Variants in ARMH1 observed in about 807,000 individuals in gnomAD.
The protein encoded by ARMH1 is armadillo like helical domain containing 1.
A neutral mutation model predicts 50.2 loss-of-function variants in ARMH1; 34 were observed. The ratio of observed to expected loss-of-function variants is 0.68; its 90% CI spans 0.51 to 0.90. ARMH1 has a LOEUF of 0.90. Ranked by LOEUF, ARMH1 falls within the 40% of genes least tolerant of loss-of-function variation. ARMH1 has a pLI of 0.00. For synonymous variants in ARMH1, 221 were observed against 224.2 expected, an observed-to-expected ratio of 0.99 and a Z score of 0.13; for missense variants, 538 against 553.9, an observed-to-expected ratio of 0.97 and a Z score of 0.29.
rs185873512 is a variant in ARMH1, at chr1:44,711,873, T to A, written c.724+7700T>A. 2.9e-3 allele frequency among the ~76,000 whole-genome samples: 443 copies of A among 152,304 alleles called. 7 individuals are homozygous for A. The highest frequency in any genetic ancestry group is 1.2e-3 in the Non-Finnish European group (81 of 68,030). On this transcript the variant is annotated intron_variant, in intron 6 of 11. Coordinates refer to ENST00000535358, the MANE Select transcript of ARMH1 (RefSeq NM_001145636.2). ...CATCTCATCTATTCCTCAGAACAAC[T>A]CTGTGAAGTAGGTACTATTTTCATC...
At chr1:44,694,596 G>A (rs1447374927) in intron 2 of ARMH1, among the ~76,000 whole-genome samples, 2 of 143,240 alleles carry the variant, frequency 1.4e-5, no homozygotes, top group Admixed American at 7.4e-5. Flanking sequence ...TGCAACCTCC[G>A]CCTCCCAGGT....
chr1:44,725,464 A>G lies in ARMH1; in HGVS notation c.*61A>G. On this transcript the variant is annotated 3_prime_UTR_variant, in exon 12 of 12. Coordinates refer to ENST00000535358, the MANE Select transcript of ARMH1 (RefSeq NM_001145636.2). Reference sequence around the variant, plus strand: ...GGGGCAGGGAAGCCTGGCAAGAGGAAGGCGCCTGGGGTCAAGCTCAGAGCC... The same window carrying G: ...GGGGCAGGGAAGCCTGGCAAGAGGAGGGCGCCTGGGGTCAAGCTCAGAGCC... 6.6e-7 allele frequency: 1 copy of G among 1,512,252 alleles called. No homozygotes were observed. The highest frequency in any genetic ancestry group is 1.2e-5 in the South Asian group (1 of 82,900). 93.7% of individuals were successfully genotyped at this position (1,512,252 alleles called of 1,614,324 possible). A position where few individuals can be genotyped will look rare whatever the true frequency, so the allele number is the denominator to read the frequency against.
chr1:44,693,304 A>G (rs1183497545), intron 2 of ARMH1, among the ~76,000 whole-genome samples: 1 of 152,158 alleles, frequency 6.6e-6, no homozygotes, highest in Non-Finnish European at 1.5e-5. Flanking sequence ...CCAAATCTAG[A>G]GTTCCTTTTT....
intron 2 of ARMH1, among the ~76,000 whole-genome samples, chr1:44,690,327 T>C (rs909979231): frequency 1.3e-5 from 2 of 151,526 alleles, no homozygotes; most frequent in South Asian, 4.1e-4. Flanking sequence ...CATCTGGTGT[T>C]TAAAAAAAAG....
intron 6 of ARMH1, among the ~76,000 whole-genome samples, chr1:44,723,275 G>T (rs1458376215): frequency 6.6e-6 from 1 of 152,078 alleles, no homozygotes; most frequent in African/African-American, 2.4e-5. Flanking sequence ...GCCTGTTTGT[G>T]CACGCTTAAG....
intron 1 of ARMH1, among the ~76,000 whole-genome samples, chr1:44,685,574 A>G (rs577385672): frequency 2.6e-5 from 4 of 151,562 alleles, no homozygotes; most frequent in Non-Finnish European, 5.9e-5. Flanking sequence ...GCCTCCCAAC[A>G]TACTGGGATT....
At chr1:44,714,585 C>CAAA (rs547949743) in intron 6 of ARMH1, among the ~76,000 whole-genome samples, 2 of 83,628 alleles carry the variant, frequency 2.4e-5, no homozygotes, top group African/African-American at 8.2e-5. Context: ...AACTCCGTCT[C>CAAA]AAAAAAAAAA....
Position 44,724,140 on chromosome 1 carries a change from A to T in ARMH1, c.743A>T (p.Asp248Val). ...VQYEAIELIK[D>V]LVGYDVRQAL... Reference sequence around the variant, plus strand: ...TCCGCAGCCATCGAGTTGATCAAAGACCTGGTCGGTTACGATGTGCGCCAG... The same window carrying T: ...TCCGCAGCCATCGAGTTGATCAAAGTCCTGGTCGGTTACGATGTGCGCCAG... The change falls in exon 7 of 12, where the codon GAC becomes GTC. Residue 248 changes from aspartate to valine, a missense_variant. Asp to Val is a radical substitution (Grantham distance 152, BLOSUM62 -3). Coordinates refer to ENST00000535358, the MANE Select transcript of ARMH1 (RefSeq NM_001145636.2). The surrounding 1 kb of genome is among the most constrained non-coding windows in gnomAD (Gnocchi z 6.4). The T allele has an allele frequency of 6.4e-7, 1 of 1,551,562 alleles. No individual in the cohort carries two copies. Among genetic ancestry groups the T allele is most frequent in the South Asian group, 1.2e-5 (1 of 84,042 alleles).
chr1:44,704,278 C>A, intron 6 of ARMH1, 105 bp downstream of exon 6: 1 of 830,072 alleles, frequency 1.2e-6, no homozygotes, highest in Non-Finnish European at 2.0e-6. Flanking sequence ...GTGTCTGAGA[C>A]AGCCTTGGCA....
Position 44,724,005 on chromosome 1 carries a change from T to C in ARMH1, c.725-117T>C. 4 of 1,323,278 alleles carry C rather than the reference T, an allele frequency of 3.0e-6. No individual in the cohort carries two copies. Among genetic ancestry groups the C allele is most frequent in the Non-Finnish European group, 4.1e-6 (4 of 975,262 alleles). The allele number at this position is 1,323,278 out of a possible 1,614,324, so 82.0% of individuals were successfully genotyped here. A position where few individuals can be genotyped will look rare whatever the true frequency, so the allele number is the denominator to read the frequency against. Reference sequence around the variant, plus strand: ...CCCAGCTCCCCCACGCCCTGCACAGTGCTGATCAGTAAAAGAGGAGGACAC... The same window carrying C: ...CCCAGCTCCCCCACGCCCTGCACAGCGCTGATCAGTAAAAGAGGAGGACAC... On this transcript the variant is annotated intron_variant, in intron 6 of 11. Transcript: ENST00000535358. The surrounding 1 kb of genome is among the most constrained non-coding windows in gnomAD (Gnocchi z 6.4).
Position 44,724,126 on chromosome 1 carries a change from C to G in ARMH1, c.729C>G (p.Ile243Met), listed in dbSNP as rs1354769531. The G allele has an allele frequency of 1.3e-6, 2 of 1,551,426 alleles. No homozygotes were observed. The highest frequency in any genetic ancestry group is 1.7e-6 in the Non-Finnish European group (2 of 1,146,888). Reference sequence around the variant, plus strand: ...AGCACCTCTGCCCTTCCGCAGCCATCGAGTTGATCAAAGACCTGGTCGGTT... The same window carrying G: ...AGCACCTCTGCCCTTCCGCAGCCATGGAGTTGATCAAAGACCTGGTCGGTT... ...TMHLEVQYEA[I>M]ELIKDLVGYD... The change falls in exon 7 of 12, where the codon ATC (isoleucine) becomes ATG (methionine). Residue 243 changes from isoleucine to methionine, a missense_variant. Physicochemically the swap from Ile to Met is conservative, Grantham distance 10. Transcript: ENST00000535358. This position sits in a 1 kb window ranked among gnomAD's most constrained non-coding sequence, Gnocchi z 6.4.
At chr1:44,711,110 G>T (rs1488153816) in intron 6 of ARMH1, among the ~76,000 whole-genome samples, 1 of 152,024 alleles carries the variant, frequency 6.6e-6, no homozygotes, top group South Asian at 2.1e-4. Flanking sequence ...TTAGACATTC[G>T]GGCTATTTCC....
chr1:44,721,903 TGCCTGTTA>T (rs1348833482), intron 6 of ARMH1: 1 of 152,256 alleles, frequency 6.6e-6, no homozygotes, highest in Non-Finnish European at 1.5e-5. Flanking sequence ...ACCAGAGATC[TGCCTGTTA>T]GCCTTTTGCC....
chr1:44,692,041 C>T (rs58306497), intron 2 of ARMH1, among the ~76,000 whole-genome samples: 4,757 of 152,252 alleles, frequency 0.031, 256 homozygotes, highest in African/African-American at 0.11. Flanking sequence ...AGATTTATCT[C>T]AGACCCTTTT....
intron 6 of ARMH1, among the ~76,000 whole-genome samples, chr1:44,704,603 C>T (rs1461004655): frequency 6.6e-6 from 1 of 151,798 alleles, no homozygotes; most frequent in Non-Finnish European, 1.5e-5. Flanking sequence ...CCTCAAACTC[C>T]TGGGCTCAAG....
At chr1:44,725,079 C>A (rs1399275279) in intron 10 of ARMH1, 57 bp from the exon 11 acceptor site, 2 of 1,549,596 alleles carry the variant, frequency 1.3e-6, no homozygotes, top group African/African-American at 1.4e-5. Context: ...CCAAGCCCAA[C>A]TCCAAGTCCA....
At chr1:44,722,141 C>T (rs1049158564) in intron 6 of ARMH1, among the ~76,000 whole-genome samples, 5 of 152,190 alleles carry the variant, frequency 3.3e-5, no homozygotes, top group South Asian at 2.1e-4. Context: ...AGCTGAGCGC[C>T]GGAACAAGAG....
rs182869116 is a variant in ARMH1, at chr1:44,700,417, A to G, written c.443-506A>G. 6.5e-4 allele frequency among the ~76,000 whole-genome samples: 99 copies of G among 152,192 alleles called. 1 individual carries two copies. Among genetic ancestry groups the G allele is most frequent in the East Asian group, 4.9e-3 (25 of 5,152 alleles). Reference sequence around the variant, plus strand: ...CGCATCACGAGGTCAGGAGATAAAGACCATCCTGGCTAACACTGTGAAACC... The same window carrying G: ...CGCATCACGAGGTCAGGAGATAAAGGCCATCCTGGCTAACACTGTGAAACC... On this transcript the variant is annotated intron_variant, in intron 4 of 11. Coordinates refer to ENST00000535358, the MANE Select transcript of ARMH1 (RefSeq NM_001145636.2).
In ARMH1 at chr1:44,724,816, G is replaced by T; in HGVS notation, c.1105G>T (p.Glu369Ter). 6.5e-7 allele frequency: 1 copy of T among 1,542,664 alleles called. No individual in the cohort carries two copies. The change falls in exon 10 of 12, where the codon GAG becomes TAG. Residue 369 changes from glutamate to a stop codon, truncating the protein, a stop_gained. Coordinates refer to ENST00000535358, the MANE Select transcript of ARMH1 (RefSeq NM_001145636.2). LOFTEE classifies it high-confidence loss of function. The surrounding 1 kb of genome is among the most constrained non-coding windows in gnomAD (Gnocchi z 6.4). ...GGAGCACGTGCGCAAGTGCATGGGG[G>T]AGGAACTCTACCAGCTCTTCCTGGT... ...VAEHVRKCMG[E>*]ELYQLFLSNA...
Sources: gnomAD v4.1 joint callset for allele counts (sites outside exome capture counted in the v4.1 genomes callset) on GRCh38, gnomAD v4.1.1 for gene constraint, Gnocchi (gnomAD v3.1) non-coding constraint, MANE v1.5 for transcripts, NCBI Gene and HGNC (gene_info 2026-07-23, HGNC 2026-07-21) for gene names.